Variants in PCDHA5 observed in about 807,000 individuals in gnomAD.
The protein encoded by PCDHA5 is protocadherin alpha 5, also known as protocadherin alpha-5.
A neutral mutation model predicts 61.6 loss-of-function variants in PCDHA5; 43 were observed. That is an observed-to-expected ratio of 0.70 (90% confidence interval 0.55 to 0.90). The LOEUF is 0.90. Ranked by LOEUF, PCDHA5 falls within the 40% of genes least tolerant of loss-of-function variation. PCDHA5 has a pLI of 0.00. For synonymous variants in PCDHA5, 627 were observed against 543.9 expected (o/e 1.15, Z -2.13); for missense variants, 1,298 against 1,222.7 (o/e 1.06, Z -0.92).
intron 1 of PCDHA5, chr5:140,848,593 A>T: frequency 1.3e-6 from 2 of 1,593,964 alleles, no homozygotes; most frequent in Non-Finnish European, 1.7e-6. Context: ...CAGCTCCACT[A>T]CTCCGTCCCG....
chr5:140,917,324 C>CGGGGGGGGGGGGG (rs1299895515), intron 1 of PCDHA5, among the ~76,000 whole-genome samples: 2 of 76,122 alleles, frequency 2.6e-5, no homozygotes, highest in Admixed American at 1.5e-4. Context: ...GTTCATGTGG[C>CGGGGGGGGGGGGG]GGGGGAGGGG....
intron 1 of PCDHA5, among the ~76,000 whole-genome samples, chr5:140,840,932 A>G (rs1391347019): frequency 1.3e-5 from 2 of 152,030 alleles, no homozygotes; most frequent in African/African-American, 2.4e-5. Flanking sequence ...AATTGATACG[A>G]TATTTGAAAT....
intron 1 of PCDHA5, among the ~76,000 whole-genome samples, chr5:140,917,830 G>A (rs2078377355): frequency 6.6e-6 from 1 of 151,722 alleles, no homozygotes; most frequent in Admixed American, 6.6e-5. Flanking sequence ...GTAGTGTGAT[G>A]TCCTTCTTGT....
intron 3 of PCDHA5, among the ~76,000 whole-genome samples, chr5:141,006,294 C>T (rs2098266534): frequency 6.6e-6 from 1 of 152,048 alleles, no homozygotes; most frequent in African/African-American, 2.4e-5. Flanking sequence ...TCACTGCAAG[C>T]TCCACTTCCC....
At chr5:140,831,655 G>C (rs2150196678) in intron 1 of PCDHA5, among the ~76,000 whole-genome samples, 27 of 151,452 alleles carry the variant, frequency 1.8e-4, no homozygotes, top group African/African-American at 6.1e-4. Context: ...GAGCCACTAT[G>C]CTTGGCTAGT....
At chr5:140,901,482 G>A (rs1348405650) in intron 1 of PCDHA5, among the ~76,000 whole-genome samples, 8 of 152,010 alleles carry the variant, frequency 5.3e-5, no homozygotes, top group African/African-American at 1.9e-4. Context: ...TATGTTCTTG[G>A]CACCTTCATC....
chr5:140,877,236 C>T, intron 1 of PCDHA5: 8 of 1,613,686 alleles, frequency 5.0e-6, no homozygotes, highest in Non-Finnish European at 6.8e-6. Context: ...TGGGTGCGGG[C>T]CACGTGGTGG....
intron 1 of PCDHA5, chr5:140,861,672 A>G (rs1581618530): frequency 4.0e-6 from 1 of 248,596 alleles, no homozygotes; most frequent in East Asian, 1.1e-4. Context: ...GCTCTTGATT[A>G]TCGTGTTTCA....
At chr5:140,919,940 A>C (rs1162813087) in intron 1 of PCDHA5, among the ~76,000 whole-genome samples, 3 of 152,064 alleles carry the variant, frequency 2.0e-5, no homozygotes, top group African/African-American at 7.2e-5. Context: ...GGCTAATTCC[A>C]GTGAAAAGTT....
At chr5:140,924,480 T>C (rs2081865040) in intron 1 of PCDHA5, among the ~76,000 whole-genome samples, 1 of 152,178 alleles carries the variant, frequency 6.6e-6, no homozygotes, top group Non-Finnish European at 1.5e-5. Flanking sequence ...TGGTTTTTAG[T>C]GGAACACTGG....
At chr5:140,983,142 CTTGGCATGCATG>C (rs1316699573) in intron 3 of PCDHA5, among the ~76,000 whole-genome samples, 4 of 152,212 alleles carry the variant, frequency 2.6e-5, no homozygotes, top group Admixed American at 6.5e-5. Flanking sequence ...CTTTTAGTGC[CTTGGCATGCATG>C]TTGCCAAACA....
chr5:140,914,159 G>A (rs1193212496), intron 1 of PCDHA5, among the ~76,000 whole-genome samples: 3 of 152,088 alleles, frequency 2.0e-5, no homozygotes, highest in African/African-American at 4.8e-5. Flanking sequence ...TGTCCAATAC[G>A]GAAAGTGGGG....
At chr5:140,852,770 T>C in intron 1 of PCDHA5, 7 of 981,816 alleles carry the variant, frequency 7.1e-6, no homozygotes, top group Non-Finnish European at 8.6e-6. Flanking sequence ...TCTGATTATT[T>C]GATGTGAATA....
intron 1 of PCDHA5, among the ~76,000 whole-genome samples, chr5:140,872,990 A>G (rs987650775): frequency 1.1e-4 from 17 of 152,184 alleles, no homozygotes; most frequent in African/African-American, 3.6e-4. Flanking sequence ...AAGATCATTT[A>G]CTTCTGAGTC....
chr5:140,876,185 A>AC (rs782573528), intron 1 of PCDHA5: 1 of 1,613,986 alleles, frequency 6.2e-7, no homozygotes, highest in East Asian at 2.2e-5. Context: ...GTGAATGACA[A>AC]TGGTCCGGCG....
At chr5:140,834,086 C>A (rs1400952660) in intron 1 of PCDHA5, among the ~76,000 whole-genome samples, 2 of 152,152 alleles carry the variant, frequency 1.3e-5, no homozygotes, top group Non-Finnish European at 2.9e-5. Context: ...TAACCTTTAA[C>A]AACAATGAAG....
intron 1 of PCDHA5, among the ~76,000 whole-genome samples, chr5:140,904,904 C>G (rs1463349424): frequency 6.6e-6 from 1 of 151,948 alleles, no homozygotes; most frequent in Non-Finnish European, 1.5e-5. Context: ...GTTTTTCTTA[C>G]TGATTTGTTT....
chr5:140,971,050 C>G (rs2096454255), intron 1 of PCDHA5, among the ~76,000 whole-genome samples: 1 of 152,146 alleles, frequency 6.6e-6, no homozygotes, highest in South Asian at 2.1e-4. Context: ...AAGGGTTTAG[C>G]TTTAAATAAG....
intron 1 of PCDHA5, among the ~76,000 whole-genome samples, chr5:140,891,410 A>T: frequency 7.7e-6 from 1 of 130,320 alleles, no homozygotes; most frequent in East Asian, 2.5e-4. Context: ...GCCACCCCCC[A>T]CTCTTGCCCC....
Sources: gnomAD v4.1 joint callset for allele counts (sites outside exome capture counted in the v4.1 genomes callset) on GRCh38, gnomAD v4.1.1 for gene constraint, MANE v1.5 for transcripts, NCBI Gene and HGNC (gene_info 2026-07-23, HGNC 2026-07-21) for gene names.